The following PDCD11 variants were observed in gnomAD, a reference collection of about 807,000 sequenced individuals.
PDCD11 encodes protein RRP5 homolog.
PDCD11 carries 97 observed loss-of-function variants against 198.9 expected under a neutral mutation model. The ratio of observed to expected loss-of-function variants is 0.49; its 90% CI spans 0.41 to 0.58. The LOEUF is 0.58. PDCD11 is among the 20% of genes least tolerant of loss of function. PDCD11 has a pLI of 0.00. For synonymous variants in PDCD11, 893 were observed against 918.0 expected, an observed-to-expected ratio of 0.97 and a Z score of 0.49; for missense variants, 2,102 against 2,312.7, an observed-to-expected ratio of 0.91 and a Z score of 1.87.
chr10:103,406,532 G>A (rs1564758009), intron 6 of PDCD11, 77 bp from the exon 7 acceptor site: 2 of 1,338,874 alleles, frequency 1.5e-6, no homozygotes, highest in Non-Finnish European at 2.1e-6. Context: ...GGTCTTTTCA[G>A]GTATTACTTG....
chr10:103,427,470 AT>A, intron 21 of PDCD11, 79 bp downstream of exon 21: 1 of 1,170,450 alleles, frequency 8.5e-7, no homozygotes, highest in Non-Finnish European at 1.2e-6. Flanking sequence ...TCGAATCTTG[AT>A]TTTACCAGTG....
intron 22 of PDCD11, 55 bp downstream of exon 22, chr10:103,432,289 T>A: frequency 1.6e-6 from 2 of 1,263,434 alleles, no homozygotes; most frequent in Non-Finnish European, 2.3e-6. Context: ...AGAAAAAAGG[T>A]CATGACGTTG....
In PDCD11 at chr10:103,414,988, A is replaced by G. The variant is rs758896128; in HGVS notation, c.1372-17A>G. The G allele has an allele frequency of 6.2e-7, 1 of 1,613,532 alleles. No homozygotes were observed. Among genetic ancestry groups the G allele is most frequent in the Non-Finnish European group, 8.5e-7 (1 of 1,179,544 alleles). ...CATTCTTGAGACATTGTGGCAGCTT[A>G]TCTTTGGATTCTCTAGGGCACAGTG... On this transcript the variant is annotated splice_polypyrimidine_tract_variant and intron_variant, in intron 11 of 35. Coordinates refer to ENST00000369797, the MANE Select transcript of PDCD11 (RefSeq NM_014976.2).
At chr10:103,426,781 G>T (rs1421912001) in intron 20 of PDCD11, among the ~76,000 whole-genome samples, 2 of 145,818 alleles carry the variant, frequency 1.4e-5, no homozygotes, top group Admixed American at 6.9e-5. Flanking sequence ...GTGAGACTCC[G>T]TTTCAAAAAA....
chr10:103,424,968 C>G lies in PDCD11; in HGVS notation c.2764-16C>G, dbSNP rs371820758. On this transcript the variant is annotated splice_polypyrimidine_tract_variant and intron_variant, in intron 19 of 35. Coordinates refer to ENST00000369797, the MANE Select transcript of PDCD11 (RefSeq NM_014976.2). ...TGTGTAAGGAAAGCAGGGATGGTGG[C>G]TTTTCTCTCTTCTAGCTGAGGAAAG... The G allele has an allele frequency of 6.2e-7, 1 of 1,612,096 alleles. No homozygotes were observed. Among genetic ancestry groups the G allele is most frequent in the South Asian group, 1.1e-5 (1 of 90,950 alleles).
At chr10:103,441,376 G>A (rs1374603800) in intron 30 of PDCD11, among the ~76,000 whole-genome samples, 1 of 152,150 alleles carries the variant, frequency 6.6e-6, no homozygotes, top group Non-Finnish European at 1.5e-5. Flanking sequence ...TCATGACTCA[G>A]CCTCCCGAGT....
At chr10:103,402,373 G>A (rs2030150128) in intron 3 of PDCD11, among the ~76,000 whole-genome samples, 1 of 152,202 alleles carries the variant, frequency 6.6e-6, no homozygotes, top group Non-Finnish European at 1.5e-5. Context: ...GAAGTTCACT[G>A]ATATGTACAC....
At chr10:103,442,654 GTCT>G (rs2032440881) in intron 32 of PDCD11, among the ~76,000 whole-genome samples, 194 bp downstream of exon 32, 3 of 152,194 alleles carry the variant, frequency 2.0e-5, no homozygotes, top group Admixed American at 6.5e-5. Context: ...ATATTTTATA[GTCT>G]TCTTCCCTGA....
chr10:103,442,729 G>T lies in PDCD11; in HGVS notation c.4955+269G>T, dbSNP rs145377033. Among the ~76,000 whole-genome samples the T allele has an allele frequency of 4.6e-5, 7 of 152,346 alleles. No homozygotes were observed. In the East Asian group the frequency reaches 1.3e-3, roughly 29 times the overall value. ...TTATATGAGGGAACCAGTTTGAGCA[G>T]AAACACAGTAAGAAAAGAACTCACT... On this transcript the variant is annotated intron_variant, in intron 32 of 35. Coordinates refer to ENST00000369797, the MANE Select transcript of PDCD11 (RefSeq NM_014976.2).
intron 7 of PDCD11, among the ~76,000 whole-genome samples, chr10:103,407,690 A>G (rs987820420): frequency 7.2e-5 from 11 of 151,844 alleles, no homozygotes; most frequent in African/African-American, 2.2e-4. Context: ...GATTACAGGC[A>G]TGAGTGACCT....
intron 21 of PDCD11, among the ~76,000 whole-genome samples, chr10:103,428,319 A>AC (rs1000654932): frequency 6.6e-6 from 1 of 151,688 alleles, no homozygotes; most frequent in African/African-American, 2.4e-5. Flanking sequence ...GAAAAAAAAA[A>AC]AACACAAAGT....
intron 35 of PDCD11, 37 bp downstream of exon 35, chr10:103,444,719 G>A: frequency 6.2e-7 from 1 of 1,600,220 alleles, no homozygotes; most frequent in Non-Finnish European, 8.5e-7. Context: ...AGTTCCTCAG[G>A]AGAGGGCGTG....
rs201558637 is a variant in PDCD11 at position 103,422,055 on chromosome 10, TTTATTATTATTATTA to T, written c.2497+518_2497+532del. Among the ~76,000 whole-genome samples, 66 of 127,452 alleles carry T rather than the reference TTTATTATTATTATTA, an allele frequency of 5.2e-4. No homozygotes were observed. The South Asian group carries it at 7.8e-3, about 15-fold the overall frequency. 83.6% of individuals were successfully genotyped at this position (127,452 alleles called of 152,430 possible). On this transcript the variant is annotated intron_variant, in intron 17 of 35. Transcript: ENST00000369797. ...GTATGACCTGCATAAAGTGCACAAT[TTTATTATTATTATTA>T]TTATTATTATTATTATTATTATTAT...
Position 103,406,101 on chromosome 10 carries a change from G to T in PDCD11, c.681G>T (p.Lys227Asn). 1 of 1,614,082 alleles carries T rather than the reference G, an allele frequency of 6.2e-7. No individual in the cohort carries two copies. Among genetic ancestry groups the T allele is most frequent in the Non-Finnish European group, 8.5e-7 (1 of 1,179,946 alleles). Residue 227 changes from lysine to asparagine, a missense_variant, in exon 6 of 36, where the codon AAG becomes AAT. Coordinates refer to ENST00000369797, the MANE Select transcript of PDCD11 (RefSeq NM_014976.2). ...LLKAQEYIRQ[K>N]NKGAKLKVGQ... ...AAGCCCAGGAGTACATCAGACAGAA[G>T]AACAAAGGTGAGGGCAAGAAAAGGG...
intron 25 of PDCD11, among the ~76,000 whole-genome samples, chr10:103,436,926 C>T (rs1229988546): frequency 6.6e-6 from 1 of 152,178 alleles, no homozygotes; most frequent in Non-Finnish European, 1.5e-5. Context: ...TTTAGAGATG[C>T]AACCCTGCTG....
Position 103,417,852 on chromosome 10 carries a change from A to G in PDCD11, c.1831A>G (p.Lys611Glu). Reference sequence around the variant, plus strand: ...CAAAGAGAGGATGCTCTTATCCTTCAAGCTGTCGAGTGATCCAGAGCCAAA... The same window carrying G: ...CAAAGAGAGGATGCTCTTATCCTTCGAGCTGTCGAGTGATCCAGAGCCAAA... Reference protein sequence around the residue: ...PSKERMLLSFKLSSDPEPKKE... With the variant: ...PSKERMLLSFELSSDPEPKKE... Residue 611 changes from lysine (K) to glutamate (E), a missense_variant, in exon 14 of 36, where the codon AAG (lysine) becomes GAG (glutamate). Coordinates refer to ENST00000369797, the MANE Select transcript of PDCD11 (RefSeq NM_014976.2). 6.2e-7 allele frequency: 1 copy of G among 1,614,204 alleles called. No homozygotes were observed. The highest frequency in any genetic ancestry group is 8.5e-7 in the Non-Finnish European group (1 of 1,180,024).
Position 103,425,385 on chromosome 10 carries a change from G to C in PDCD11, c.3165G>C (p.Leu1055=). The C allele has an allele frequency of 6.2e-7, 1 of 1,614,172 alleles. No homozygotes were observed. The highest frequency in any genetic ancestry group is 8.5e-7 in the Non-Finnish European group (1 of 1,180,044). The change falls in exon 20 of 36, where the codon CTG becomes CTC. Residue 1055 remains leucine, a synonymous_variant. Coordinates refer to ENST00000369797, the MANE Select transcript of PDCD11 (RefSeq NM_014976.2). ...SIKPTHVVVT[L]EDGIIGCIHA... is the part of the protein sequence containing the mutation. ...AGCCTACCCATGTGGTTGTGACTCT[G>C]GAAGATGGCATTATTGGCTGTATCC...
intron 31 of PDCD11, 53 bp downstream of exon 31, chr10:103,442,028 C>T (rs1161925556): frequency 2.6e-5 from 41 of 1,603,468 alleles, no homozygotes; most frequent in Non-Finnish European, 3.4e-5. Flanking sequence ...TGGTGTCAGT[C>T]TCTTGTGCTC....
chr10:103,431,594 A>T (rs1187295507), intron 21 of PDCD11, among the ~76,000 whole-genome samples: 2 of 151,208 alleles, frequency 1.3e-5, no homozygotes, highest in Non-Finnish European at 2.9e-5. Flanking sequence ...TCTGTCTCAA[A>T]AAAAAGAAAA....
Sources: allele counts gnomAD v4.1 joint callset (sites outside exome capture counted in the v4.1 genomes callset), GRCh38; gene constraint gnomAD v4.1.1; transcripts MANE v1.5; gene names NCBI Gene and HGNC (gene_info 2026-07-23, HGNC 2026-07-21).